The following WDR70 variants were observed in gnomAD, a reference collection of about 807,000 sequenced individuals.
WDR70 encodes WD repeat-containing protein 70.
WDR70 carries 53 observed loss-of-function variants against 88.6 expected under a neutral mutation model. That is an observed-to-expected ratio of 0.60 (90% CI 0.48 to 0.75). The LOEUF (loss-of-function observed/expected upper bound fraction) is 0.75. WDR70 is among the 30% of genes least tolerant of loss of function. The pLI is 0.00. For synonymous variants in WDR70, 280 were observed against 270.0 expected, an observed-to-expected ratio of 1.04 and a Z score of -0.36; for missense variants, 610 against 823.2, an observed-to-expected ratio of 0.74 and a Z score of 3.17.
intron 10 of WDR70, among the ~76,000 whole-genome samples, chr5:37,622,217 G>A (rs1744527057): frequency 6.6e-6 from 1 of 152,066 alleles, no homozygotes; most frequent in African/African-American, 2.4e-5. Flanking sequence ...AGTTAGAATG[G>A]CCATCATTAA....
At chr5:37,719,360 A>C (rs867823923) in intron 13 of WDR70, among the ~76,000 whole-genome samples, 111 of 121,880 alleles carry the variant, frequency 9.1e-4, no homozygotes, top group South Asian at 4.0e-3. Context: ...CCCCCCCCCC[A>C]AAAAATACCC....
intron 4 of WDR70, among the ~76,000 whole-genome samples, chr5:37,392,792 G>A (rs1748880739): frequency 6.6e-6 from 1 of 151,618 alleles, no homozygotes; most frequent in South Asian, 2.1e-4. Flanking sequence ...TTACAGGTGT[G>A]GGCCACCATG....
chr5:37,714,938 C>A (rs1465659784), intron 13 of WDR70, among the ~76,000 whole-genome samples: 11 of 152,036 alleles, frequency 7.2e-5, no homozygotes, highest in Admixed American at 7.2e-4. Context: ...AACTTTTTCT[C>A]ATGATGAAAT....
Position 37,443,279 on chromosome 5 carries a change from T to C in WDR70, c.593T>C (p.Val198Ala), listed in dbSNP as rs1403160507. The change falls in exon 7 of 18, where the codon GTG (valine) becomes GCG (alanine). Residue 198 changes from valine (V) to alanine (A), a missense_variant. Physicochemically the swap from Val to Ala is moderately conservative, Grantham distance 64 (BLOSUM62 0). Coordinates refer to ENST00000265107, the MANE Select transcript of WDR70 (RefSeq NM_018034.4). ...LGLDPSGARL[V>A]TGGYDYDVKF... is the part of the protein sequence containing the mutation. ...CTGGATCCCTCAGGTGCCCGTTTGG[T>C]GACAGGAGGATATGACTATGATGTT... The C allele has an allele frequency of 1.9e-6, 3 of 1,613,674 alleles. No homozygotes were observed. Among genetic ancestry groups the C allele is most frequent in the Non-Finnish European group, 1.7e-6 (2 of 1,179,804 alleles).
At chr5:37,703,429 G>A (rs1350748881) in intron 13 of WDR70, among the ~76,000 whole-genome samples, 3 of 152,180 alleles carry the variant, frequency 2.0e-5, no homozygotes, top group African/African-American at 4.8e-5. Context: ...AGGGATTGTC[G>A]ACAGAAGTGA....
In WDR70 at chr5:37,485,566, C is replaced by T. The variant is rs549253610; in HGVS notation, c.840+5579C>T. Among the ~76,000 whole-genome samples, 10 of 152,228 alleles carry T rather than the reference C, an allele frequency of 6.6e-5. No individual in the cohort carries two copies. In the South Asian group the frequency reaches 2.1e-3, roughly 32 times the overall value. ...ACAAGTCCAAGAAGTCTGTGATGTGCCTTACAGAGAAAATAGATGCATTAA... is the reference window on the plus strand; with the variant it reads ...ACAAGTCCAAGAAGTCTGTGATGTGTCTTACAGAGAAAATAGATGCATTAA... On this transcript the variant is annotated intron_variant, in intron 8 of 17. Transcript: ENST00000265107.
At chr5:37,389,155 C>A (rs1190287923) in intron 3 of WDR70, among the ~76,000 whole-genome samples, 2 of 146,946 alleles carry the variant, frequency 1.4e-5, no homozygotes, top group Non-Finnish European at 3.0e-5. Flanking sequence ...TGTGGTGGTA[C>A]TATCTTGGCT....
chr5:37,590,822 G>A (rs1743511365), intron 9 of WDR70, among the ~76,000 whole-genome samples: 1 of 151,766 alleles, frequency 6.6e-6, no homozygotes, highest in South Asian at 2.1e-4. Context: ...AAAACATAAG[G>A]GCCCCAAATC....
At chr5:37,431,889 CTTTCT>C (rs1750315099) in intron 5 of WDR70, among the ~76,000 whole-genome samples, 2 of 152,150 alleles carry the variant, frequency 1.3e-5, no homozygotes, top group African/African-American at 4.8e-5. Flanking sequence ...TCGGAATTTT[CTTTCT>C]TTTAAGACGG....
chr5:37,679,808 T>C (rs564231081), intron 10 of WDR70, among the ~76,000 whole-genome samples: 1 of 152,326 alleles, frequency 6.6e-6, no homozygotes, highest in African/African-American at 2.4e-5. Context: ...ACTCCTGTCT[T>C]TTTGTTTGTC....
chr5:37,720,968 T>C (rs971069205), intron 13 of WDR70, 147 bp from the exon 14 acceptor site: 1 of 675,470 alleles, frequency 1.5e-6, no homozygotes, highest in Non-Finnish European at 2.6e-6. Flanking sequence ...GGAACACAAC[T>C]TTATGGTTTA....
chr5:37,652,791 G>A (rs1347310681), intron 10 of WDR70, among the ~76,000 whole-genome samples: 1 of 152,164 alleles, frequency 6.6e-6, no homozygotes, highest in East Asian at 1.9e-4. Flanking sequence ...CATCAATTTT[G>A]TATCCTGAGA....
intron 9 of WDR70, among the ~76,000 whole-genome samples, chr5:37,594,517 A>G (rs1743641820): frequency 6.6e-6 from 1 of 152,150 alleles, no homozygotes; most frequent in Non-Finnish European, 1.5e-5. Context: ...CTGTTTTGGT[A>G]CCAGTACCAT....
intron 10 of WDR70, among the ~76,000 whole-genome samples, chr5:37,653,575 T>C (rs1370872138): frequency 6.6e-6 from 1 of 152,154 alleles, no homozygotes; most frequent in East Asian, 1.9e-4. Flanking sequence ...GTCCTGGGCT[T>C]TTTTTGGTTA....
chr5:37,507,558 T>A (rs1740600232), intron 8 of WDR70, among the ~76,000 whole-genome samples: 1 of 152,220 alleles, frequency 6.6e-6, no homozygotes, highest in South Asian at 2.1e-4. Context: ...AAGTCTCTAC[T>A]TCCACAAGAT....
chr5:37,409,136 A>G (rs1179188072), intron 5 of WDR70, among the ~76,000 whole-genome samples: 2 of 151,912 alleles, frequency 1.3e-5, no homozygotes, highest in African/African-American at 4.8e-5. Context: ...ATGGGGTTTC[A>G]CCATGTTGGT....
chr5:37,444,898 C>T (rs767333156), intron 7 of WDR70, among the ~76,000 whole-genome samples: 9 of 152,046 alleles, frequency 5.9e-5, no homozygotes, highest in East Asian at 1.9e-4. Context: ...CCCTCACATG[C>T]GCATTTCACA....
rs537949885 is a variant in WDR70 at position 37,505,261 on chromosome 5, A to G, written c.841-11253A>G. On this transcript the variant is annotated intron_variant, in intron 8 of 17. Transcript: ENST00000265107. ...TTTCTAAGCTGGCCTTATGTAAATT[A>G]TTTGGTATTTGAATTAAATGAATAT... is the stretch of plus-strand genomic sequence containing the variant. Among the ~76,000 whole-genome samples the G allele has an allele frequency of 1.1e-4, 16 of 152,302 alleles. No individual in the cohort carries two copies. In the South Asian group the frequency reaches 3.1e-3, roughly 30 times the overall value.
intron 8 of WDR70, among the ~76,000 whole-genome samples, chr5:37,497,301 CCCTTCCCTTCCCTTT>C (rs1399012570): frequency 1.9e-4 from 28 of 145,592 alleles, no homozygotes; most frequent in Middle Eastern, 3.5e-3. Flanking sequence ...CTTCCCTTCT[CCCTTCCCTTCCCTTT>C]CCTTCCCTTC....
Sources: allele counts gnomAD v4.1 joint callset (sites outside exome capture counted in the v4.1 genomes callset), GRCh38; gene constraint gnomAD v4.1.1; transcripts MANE v1.5; gene names NCBI Gene and HGNC (gene_info 2026-07-23, HGNC 2026-07-21).